Variants in CUX1 observed in about 807,000 individuals in gnomAD.
The protein encoded by CUX1 is protein CASP.
Under a neutral mutation model 158.8 loss-of-function variants are expected in CUX1, and 31 were observed. The ratio of observed to expected loss-of-function variants is 0.20; its 90% confidence interval spans 0.15 to 0.26. CUX1 has a LOEUF of 0.26. CUX1 is among the 10% of genes least tolerant of loss of function. The pLI is 1.00. For synonymous variants in CUX1, 879 were observed against 862.1 expected (o/e 1.02, Z -0.34); for missense variants, 1,589 against 2,014.6 (o/e 0.79, Z 4.04).
chr7:101,832,999 A>G (rs1794225316), intron 1 of CUX1, among the ~76,000 whole-genome samples: 1 of 152,126 alleles, frequency 6.6e-6, no homozygotes, highest in Admixed American at 6.6e-5. Context: ...TCTTGCTGGG[A>G]AAGTAACTTC....
intron 7 of CUX1, 151 bp from the exon 8 acceptor site, chr7:102,115,056 C>A: frequency 1.5e-6 from 1 of 660,024 alleles, no homozygotes; most frequent in Non-Finnish European, 2.6e-6. Flanking sequence ...TTTTCATCAT[C>A]TTGGCCTCTT....
chr7:101,962,493 G>A (rs928919845), intron 2 of CUX1, among the ~76,000 whole-genome samples: 10 of 152,250 alleles, frequency 6.6e-5, no homozygotes, highest in Admixed American at 6.5e-5. Flanking sequence ...CGGAGATAAC[G>A]AACTGTTACT....
chr7:101,992,822 T>A (rs1317615711), intron 2 of CUX1, among the ~76,000 whole-genome samples: 4 of 120,206 alleles, frequency 3.3e-5, no homozygotes, highest in Non-Finnish European at 6.9e-5. Context: ...TTATTTGGAG[T>A]TTTTTTATTG....
At position 102,254,946 on chromosome 7, in the gene CUX1, A is replaced by G; in HGVS notation, c.*5904A>G. The G allele has an allele frequency of 1.0e-6, 1 of 985,486 alleles. No individual in the cohort carries two copies. Among genetic ancestry groups the G allele is most frequent in the Non-Finnish European group, 1.2e-6 (1 of 829,948 alleles). The allele number at this position is 985,486 out of a possible 1,614,324, so 61.0% of individuals were successfully genotyped here. On this transcript the variant is annotated 3_prime_UTR_variant, in exon 24 of 24. Coordinates refer to ENST00000292535, the MANE Select transcript of CUX1 (RefSeq NM_181552.4). ...GAAGCAGGTACCCAATAAAGTTTAG[A>G]AAGATCCAGTCTGTGAAACCCTTAG...
At chr7:101,950,981 G>GC (rs1808991994) in intron 2 of CUX1, among the ~76,000 whole-genome samples, 1 of 152,128 alleles carries the variant, frequency 6.6e-6, no homozygotes, top group Non-Finnish European at 1.5e-5. Flanking sequence ...CTGTATATCT[G>GC]CCCCCTGGAG....
At chr7:102,023,226 A>T (rs2129324143) in intron 2 of CUX1, among the ~76,000 whole-genome samples, 1 of 152,186 alleles carries the variant, frequency 6.6e-6, no homozygotes, top group African/African-American at 2.4e-5. Context: ...CTCCCCGCAA[A>T]AAAGTTTTTA....
At chr7:102,158,306 T>A (rs1353236227) in intron 8 of CUX1, among the ~76,000 whole-genome samples, 1 of 152,076 alleles carries the variant, frequency 6.6e-6, no homozygotes. Flanking sequence ...TATGGTTATG[T>A]CTCCCCAATG....
chr7:101,982,463 G>A (rs10238938), intron 2 of CUX1, among the ~76,000 whole-genome samples: 21,110 of 151,208 alleles, frequency 0.14, 1,888 homozygotes, highest in South Asian at 0.2. Context: ...GTCTTGCTCT[G>A]TCGCCCAGGC....
chr7:101,889,645 A>G (rs1800645180), intron 1 of CUX1, among the ~76,000 whole-genome samples: 3 of 152,044 alleles, frequency 2.0e-5, no homozygotes, highest in African/African-American at 7.2e-5. Context: ...GGTGGTGAGC[A>G]CCTGTAATCC....
In CUX1 at chr7:102,178,478, A is replaced by G. The variant is rs200126349; in HGVS notation, c.838A>G (p.Ile280Val). ...CTTTTCTCCTCCCCAGGAGCAGGCC[A>G]TAGAGGTGCTGACCCGCTCCAGCCT... is the stretch of plus-strand genomic sequence containing the variant. The part of the protein sequence containing the change: ...IQKAPDVEQA[I>V]EVLTRSSLEV... Residue 280 changes from isoleucine (I) to valine (V), a missense_variant, in exon 11 of 24, where the codon ATA (isoleucine) becomes GTA (valine). Coordinates refer to ENST00000292535, the MANE Select transcript of CUX1 (RefSeq NM_181552.4). 1.2e-6 allele frequency: 2 copies of G among 1,604,404 alleles called. No individual in the cohort carries two copies. The highest frequency in any genetic ancestry group is 1.7e-6 in the Non-Finnish European group (2 of 1,172,324).
chr7:102,115,189 T>C lies in CUX1; in HGVS notation c.608-18T>C. On this transcript the variant is annotated intron_variant, in intron 7 of 23. Transcript: ENST00000292535. ...TTTAAAATTTCATTTAAATAGTTAG[T>C]AATTCTTTGCCTTTCAGCCCTGGAA... is the stretch of plus-strand genomic sequence containing the variant. 6.2e-7 allele frequency: 1 copy of C among 1,604,660 alleles called. No homozygotes were observed.
intron 1 of CUX1, among the ~76,000 whole-genome samples, chr7:101,885,063 G>A (rs1225383911): frequency 2.0e-5 from 3 of 152,176 alleles, no homozygotes; most frequent in African/African-American, 7.2e-5. Flanking sequence ...TGCATATAGC[G>A]GAAATATTTG....
intron 5 of CUX1, among the ~76,000 whole-genome samples, chr7:102,103,014 T>G (rs1449386566): frequency 2.6e-5 from 4 of 152,206 alleles, no homozygotes; most frequent in African/African-American, 9.7e-5. Flanking sequence ...CGCTTTGATA[T>G]TCCCCATTTG....
At chr7:102,061,705 G>A (rs1393666038) in intron 3 of CUX1, among the ~76,000 whole-genome samples, 3 of 152,228 alleles carry the variant, frequency 2.0e-5, no homozygotes, top group Non-Finnish European at 2.9e-5. Flanking sequence ...CCCCTGTGGT[G>A]CAGTGGAGAG....
At chr7:101,853,644 T>C (rs1017128298) in intron 1 of CUX1, among the ~76,000 whole-genome samples, 1 of 149,276 alleles carries the variant, frequency 6.7e-6, no homozygotes, top group Non-Finnish European at 1.5e-5. Context: ...GCAGTTTTGG[T>C]GGCCCCCACC....
chr7:102,171,598 C>G (rs928960194), intron 10 of CUX1, among the ~76,000 whole-genome samples: 1 of 152,018 alleles, frequency 6.6e-6, no homozygotes, highest in Non-Finnish European at 1.5e-5. Context: ...CAGGCGCACA[C>G]CACCACACCT....
At position 102,248,811 on chromosome 7, in the gene CUX1, G is replaced by A; in HGVS notation, c.4287G>A (p.Gly1429=). 8.9e-7 allele frequency: 1 copy of A among 1,121,050 alleles called. No homozygotes were observed. The highest frequency in any genetic ancestry group is 1.1e-6 in the Non-Finnish European group (1 of 915,856). 69.4% of individuals were successfully genotyped at this position (1,121,050 alleles called of 1,614,324 possible). A position where few individuals can be genotyped will look rare whatever the true frequency, so the allele number is the denominator to read the frequency against. The change falls in exon 24 of 24, where the codon GGG becomes GGA. Residue 1429 remains glycine, a synonymous_variant. Transcript: ENST00000292535. The surrounding 1 kb of genome is among the most constrained non-coding windows in gnomAD (Gnocchi z 5.8). ...DAATSAAAAP[G]EGPAAPSSAP... ...CTACCTCAGCCGCCGCCGCGCCGGG[G>A]GAGGGCCCCGCGGCCCCGAGCTCCG... is the stretch of plus-strand genomic sequence containing the variant.
At chr7:102,151,590 AT>A (rs1231507330) in intron 8 of CUX1, among the ~76,000 whole-genome samples, 43 of 151,668 alleles carry the variant, frequency 2.8e-4, no homozygotes, top group African/African-American at 1.0e-3. Context: ...ATTAGCTGTG[AT>A]TGGGTGTGCC....
chr7:101,892,240 C>T (rs994286599), intron 1 of CUX1, among the ~76,000 whole-genome samples: 1 of 152,192 alleles, frequency 6.6e-6, no homozygotes, highest in Non-Finnish European at 1.5e-5. Flanking sequence ...AGTATCGTTC[C>T]TTTTTCTCCC....
Sources: gnomAD v4.1 joint callset for allele counts (sites outside exome capture counted in the v4.1 genomes callset) on GRCh38, gnomAD v4.1.1 for gene constraint, Gnocchi (gnomAD v3.1) non-coding constraint, MANE v1.5 for transcripts, NCBI Gene and HGNC (gene_info 2026-07-23, HGNC 2026-07-21) for gene names.